TMEM63C: variants seen among roughly 807,000 people sequenced by gnomAD.
The protein encoded by TMEM63C is transmembrane protein 63C, also known as osmosensitive cation channel TMEM63C.
TMEM63C carries 32 observed loss-of-function variants against 99.2 expected under a neutral mutation model. The ratio of observed to expected loss-of-function variants is 0.32; its 90% CI spans 0.24 to 0.43. The LOEUF (loss-of-function observed/expected upper bound fraction) is 0.43. TMEM63C is among the 20% of genes least tolerant of loss of function. The probability of loss-of-function intolerance (pLI) is 1.00; values close to 1 mark genes in which losing one functional copy is unlikely to be tolerated. For synonymous variants in TMEM63C, 376 were observed against 397.9 expected, an observed-to-expected ratio of 0.94 and a Z score of 0.66; for missense variants, 826 against 1,053.0, an observed-to-expected ratio of 0.78 and a Z score of 2.98.
chr14:77,250,115 G>A (rs974754532), intron 21 of TMEM63C, among the ~76,000 whole-genome samples: 17 of 152,190 alleles, frequency 1.1e-4, no homozygotes, highest in African/African-American at 2.4e-4. Context: ...GATTATAAGC[G>A]TAAGCCGCCG....
At chr14:77,243,160 C>T in intron 15 of TMEM63C, 104 bp downstream of exon 15, 2 of 1,344,274 alleles carry the variant, frequency 1.5e-6, no homozygotes, top group Non-Finnish European at 2.0e-6. Context: ...GCTGTGGAGC[C>T]CATACAGTGC....
chr14:77,214,327 G>A (rs143418732), intron 2 of TMEM63C, among the ~76,000 whole-genome samples: 22 of 152,176 alleles, frequency 1.4e-4, no homozygotes, highest in Admixed American at 9.1e-4. Flanking sequence ...AAGGTCACCC[G>A]ATGAGCGATG....
chr14:77,183,946 GC>G, intron 1 of TMEM63C, among the ~76,000 whole-genome samples: 1 of 152,176 alleles, frequency 6.6e-6, no homozygotes. Flanking sequence ...CCTCAGAGAG[GC>G]CCCGTGGTGA....
chr14:77,236,280 T>G (rs913789771), intron 8 of TMEM63C, among the ~76,000 whole-genome samples: 8 of 3,424 alleles, frequency 2.3e-3, no homozygotes, highest in Non-Finnish European at 3.9e-3. Flanking sequence ...GACTGGTGGG[T>G]GGGGGGTATA....
intron 10 of TMEM63C, 45 bp downstream of exon 10, chr14:77,238,812 A>C (rs777910987): frequency 4.6e-6 from 7 of 1,509,372 alleles, no homozygotes; most frequent in Non-Finnish European, 6.4e-6. Flanking sequence ...CTTCCTCCCC[A>C]TAACCCCGCC....
At position 77,244,340 on chromosome 14, in the gene TMEM63C, C is replaced by G. The variant is rs780784533; in HGVS notation, c.1342-9C>G. On this transcript the variant is annotated splice_polypyrimidine_tract_variant and intron_variant, in intron 15 of 23. Transcript: ENST00000298351. Reference sequence around the variant, plus strand: ...GTCTCTCCTGCCGTCCTCCCCTCTCCCCCTGCAGAACCCAATTGTGACCCA... The same window carrying G: ...GTCTCTCCTGCCGTCCTCCCCTCTCGCCCTGCAGAACCCAATTGTGACCCA... 5.0e-6 allele frequency: 8 copies of G among 1,607,308 alleles called. No homozygotes were observed. In the East Asian group the frequency reaches 1.8e-4, roughly 36 times the overall value.
chr14:77,216,418 A>G (rs1252129020), intron 2 of TMEM63C, among the ~76,000 whole-genome samples: 1 of 152,132 alleles, frequency 6.6e-6, no homozygotes, highest in Non-Finnish European at 1.5e-5. Context: ...AGTTGTCGCT[A>G]TGCCAGTGGC....
chr14:77,236,582 G>A, intron 8 of TMEM63C, 42 bp from the exon 9 acceptor site: 2 of 1,417,756 alleles, frequency 1.4e-6, no homozygotes. Flanking sequence ...GCTCTGGGGA[G>A]CTCACAGGCT....
chr14:77,187,749 G>A (rs768167800), intron 1 of TMEM63C, among the ~76,000 whole-genome samples: 9 of 152,230 alleles, frequency 5.9e-5, no homozygotes, highest in Non-Finnish European at 8.8e-5. Flanking sequence ...GGAAGAGCAG[G>A]CTTTCTGACC....
chr14:77,253,446 G>A, intron 23 of TMEM63C, 70 bp downstream of exon 23: 1 of 1,440,398 alleles, frequency 6.9e-7, no homozygotes, highest in Admixed American at 2.0e-5. Flanking sequence ...TAGTGGCATT[G>A]TGGGGGATGC....
chr14:77,185,256 G>A (rs1208742510), intron 1 of TMEM63C, among the ~76,000 whole-genome samples: 2 of 152,186 alleles, frequency 1.3e-5, no homozygotes, highest in East Asian at 1.9e-4. Flanking sequence ...AGTGAGTCAT[G>A]CCCAGCCCTG....
At chr14:77,235,348 A>C (rs571108038) in intron 8 of TMEM63C, among the ~76,000 whole-genome samples, 1 of 141,486 alleles carries the variant, frequency 7.1e-6, no homozygotes, top group Admixed American at 7.2e-5. Context: ...ATTTGGGGAG[A>C]CTGTGATAGG....
At chr14:77,185,045 G>T (rs558428296) in intron 1 of TMEM63C, among the ~76,000 whole-genome samples, 1 of 152,282 alleles carries the variant, frequency 6.6e-6, no homozygotes, top group Non-Finnish European at 1.5e-5. Context: ...GGCGGGGAAG[G>T]GGCGCCTCAT....
chr14:77,220,149 G>A, intron 5 of TMEM63C, 62 bp downstream of exon 5: 3 of 1,467,412 alleles, frequency 2.0e-6, no homozygotes, highest in Non-Finnish European at 1.9e-6. Context: ...GGCGTGGTGT[G>A]CACAGGAAGA....
intron 2 of TMEM63C, among the ~76,000 whole-genome samples, chr14:77,218,148 T>A (rs1888620486): frequency 6.6e-6 from 1 of 151,714 alleles, no homozygotes; most frequent in East Asian, 1.9e-4. Flanking sequence ...TATCCTGATG[T>A]GCTTATATCT....
chr14:77,256,453 A>AG (rs1889462194), intron 23 of TMEM63C, 73 bp from the exon 24 acceptor site: 7 of 1,459,234 alleles, frequency 4.8e-6, no homozygotes, highest in Non-Finnish European at 4.8e-6. Context: ...GTGGGGCATG[A>AG]GGGGAGAGGG....
At chr14:77,237,123 T>TGCCCTTCTGCTGCCCC (rs1889076521) in intron 9 of TMEM63C, among the ~76,000 whole-genome samples, 1 of 152,032 alleles carries the variant, frequency 6.6e-6, no homozygotes, top group Non-Finnish European at 1.5e-5. Flanking sequence ...CTCCTATCCC[T>TGCCCTTCTGCTGCCCC]GCCCCTCTGC....
chr14:77,233,325 C>A (rs1409557231), intron 7 of TMEM63C, 127 bp from the exon 8 acceptor site: 10 of 933,462 alleles, frequency 1.1e-5, no homozygotes, highest in Non-Finnish European at 1.5e-5. Context: ...CTCTGGGGAA[C>A]CAGAAGGAAG....
rs1889469156 is a variant in TMEM63C at position 77,256,722 on chromosome 14, ACTGACCGGGAC to A, written c.*1_*11del. 6.2e-7 allele frequency: 1 copy of A among 1,613,522 alleles called. No homozygotes were observed. Among genetic ancestry groups the A allele is most frequent in the Non-Finnish European group, 8.5e-7 (1 of 1,179,654 alleles). On this transcript the variant is annotated stop_retained_variant and 3_prime_UTR_variant, in exon 24 of 24. Coordinates refer to ENST00000298351, the MANE Select transcript of TMEM63C (RefSeq NM_020431.4). ...GAACTGGAGGGCCAGAACCAGTACCACTGACCGGGACCTGAGGCCTCCACTGGCGACTTGTT... is the reference window on the plus strand; with the variant it reads ...GAACTGGAGGGCCAGAACCAGTACCACTGAGGCCTCCACTGGCGACTTGTT...
Sources: allele counts gnomAD v4.1 joint callset (sites outside exome capture counted in the v4.1 genomes callset), GRCh38; gene constraint gnomAD v4.1.1; transcripts MANE v1.5; gene names NCBI Gene and HGNC (gene_info 2026-07-23, HGNC 2026-07-21).